Variants in XPO7 observed in about 807,000 individuals in gnomAD.
The protein encoded by XPO7 is exportin 7.
A neutral mutation model predicts 144.3 loss-of-function variants in XPO7; 21 were observed. The ratio of observed to expected loss-of-function variants is 0.15; its 90% CI spans 0.10 to 0.21. The LOEUF is 0.21. Among genes scored for constraint, XPO7 ranks in the 10% least tolerant of loss-of-function variants. The pLI is 1.00. For missense variants in XPO7, 808 were observed against 1,325.8 expected (o/e 0.61, Z 6.06); for synonymous variants, 580 against 499.6 (o/e 1.16, Z -2.15).
chr8:22,004,765 G>T (rs961914389), intron 27 of XPO7, among the ~76,000 whole-genome samples: 1 of 151,924 alleles, frequency 6.6e-6, no homozygotes, highest in Admixed American at 6.6e-5. Flanking sequence ...CTGTCAGTGA[G>T]ATTTCTTTTG....
intron 1 of XPO7, among the ~76,000 whole-genome samples, chr8:21,928,528 G>A (rs935012086): frequency 2.0e-5 from 3 of 152,152 alleles, no homozygotes; most frequent in Non-Finnish European, 2.9e-5. Context: ...ACTGTACCTC[G>A]AGTTATTTCA....
At chr8:21,936,749 A>T (rs1178904264) in intron 1 of XPO7, among the ~76,000 whole-genome samples, 1 of 152,190 alleles carries the variant, frequency 6.6e-6, no homozygotes, top group African/African-American at 2.4e-5. Context: ...CCCAAACTGG[A>T]ATTTTTTTAT....
intron 1 of XPO7, among the ~76,000 whole-genome samples, chr8:21,927,834 C>T (rs1047838561): frequency 7.2e-5 from 11 of 152,152 alleles, no homozygotes; most frequent in Admixed American, 2.0e-4. Context: ...CGTGAGCCAC[C>T]GCACCTGGCT....
At chr8:21,969,761 C>G (rs1811993034) in intron 3 of XPO7, 185 bp downstream of exon 3, 3 of 612,980 alleles carry the variant, frequency 4.9e-6, no homozygotes, top group Non-Finnish European at 8.4e-6. Context: ...GCAATAACTT[C>G]TGGATAAAGC....
intron 1 of XPO7, among the ~76,000 whole-genome samples, chr8:21,941,553 GA>G (rs1371346024): frequency 6.6e-6 from 1 of 152,076 alleles, no homozygotes; most frequent in African/African-American, 2.4e-5. Context: ...ATAATGACAA[GA>G]AAAACAGTGT....
intron 1 of XPO7, among the ~76,000 whole-genome samples, chr8:21,964,574 T>C (rs533738947): frequency 1.3e-5 from 2 of 151,892 alleles, no homozygotes; most frequent in East Asian, 1.9e-4. Context: ...ACTAATTGTT[T>C]AGGAAAACAA....
chr8:21,959,749 A>C (rs1811660399), intron 1 of XPO7, among the ~76,000 whole-genome samples: 1 of 152,230 alleles, frequency 6.6e-6, no homozygotes, highest in African/African-American at 2.4e-5. Flanking sequence ...TGGATAGTTT[A>C]TTGCAGTCAA....
intron 2 of XPO7, among the ~76,000 whole-genome samples, chr8:21,969,256 A>T (rs796249539): frequency 2.6e-5 from 4 of 152,154 alleles, no homozygotes; most frequent in Non-Finnish European, 5.9e-5. Context: ...CAGCTTGATC[A>T]GACGGTTCAC....
rs527641347 is a variant in XPO7 at position 21,939,464 on chromosome 8, G to A, written c.18+19676G>A. Among the ~76,000 whole-genome samples the A allele has an allele frequency of 2.3e-4, 35 of 152,050 alleles. No homozygotes were observed. In the South Asian group the frequency reaches 3.9e-3, roughly 17 times the overall value. On this transcript the variant is annotated intron_variant, in intron 1 of 27. Transcript: ENST00000252512. ...TCAAACTCCCAACCTCAGGTGATCCGTCTGCCTCAGCCTCCCAAAGTGCTG... is the reference window on the plus strand; with the variant it reads ...TCAAACTCCCAACCTCAGGTGATCCATCTGCCTCAGCCTCCCAAAGTGCTG...
At position 22,004,024 on chromosome 8, in the gene XPO7, G is replaced by A. The variant is rs759413343; in HGVS notation, c.3164G>A (p.Arg1055Lys). 6.2e-7 allele frequency: 1 copy of A among 1,613,872 alleles called. No individual in the cohort carries two copies. Among genetic ancestry groups the A allele is most frequent in the East Asian group, 2.2e-5 (1 of 44,876 alleles). The part of the protein sequence containing the change: ...GIERNLLTKN[R>K]DRFTQNLSAF... Reference sequence around the variant, plus strand: ...GAGCGAAATCTTCTTACGAAAAACAGAGACAGGTGAGTATAAAGCGTCCTG... The same window carrying A: ...GAGCGAAATCTTCTTACGAAAAACAAAGACAGGTGAGTATAAAGCGTCCTG... Residue 1055 changes from arginine (R) to lysine (K), a missense_variant, in exon 27 of 28, where the codon AGA (arginine) becomes AAA (lysine). Around this residue, in one of 5 missense-constraint regions of XPO7, gnomAD observed 140 missense variants for 237.9 expected, o/e 0.59. Transcript: ENST00000252512.
rs372866386 is a variant in XPO7, at chr8:22,002,190, C to G, written c.2861C>G (p.Thr954Ser). The G allele has an allele frequency of 2.5e-6, 4 of 1,613,262 alleles. No homozygotes were observed. The highest frequency in any genetic ancestry group is 3.4e-6 in the Non-Finnish European group (4 of 1,179,592). Residue 954 changes from threonine to serine, a missense_variant, in exon 25 of 28, where the codon ACC becomes AGC. By Grantham distance (58) the Thr-to-Ser change is moderately conservative (BLOSUM62 1). Around this residue, in one of 5 missense-constraint regions of XPO7, gnomAD observed 140 missense variants for 237.9 expected, o/e 0.59. Transcript: ENST00000252512. ...TYLFKQLSRS[T>S]KKRTTPLNQE... ...CTCTTCAAGCAGCTGTCACGTAGCA[C>G]CAAGAAGAGGACCACACCCCTGAAC...
chr8:21,994,248 A>G, intron 19 of XPO7, 115 bp from the exon 20 acceptor site: 4 of 661,888 alleles, frequency 6.0e-6, no homozygotes, highest in Middle Eastern at 6.5e-4. Context: ...TTTGAGAAGG[A>G]GTATATGTTG....
At chr8:21,945,999 G>T (rs1434235791) in intron 1 of XPO7, among the ~76,000 whole-genome samples, 1 of 152,206 alleles carries the variant, frequency 6.6e-6, no homozygotes, top group Non-Finnish European at 1.5e-5. Context: ...ATCCTAGAAA[G>T]CACCTTGGAG....
intron 1 of XPO7, among the ~76,000 whole-genome samples, chr8:21,960,113 T>G (rs1291565677): frequency 6.6e-6 from 1 of 152,222 alleles, no homozygotes; most frequent in Non-Finnish European, 1.5e-5. Flanking sequence ...CGTGGGGAAC[T>G]GGAGAGAGCC....
chr8:21,948,136 C>G (rs1230086274), intron 1 of XPO7, among the ~76,000 whole-genome samples: 1 of 152,150 alleles, frequency 6.6e-6, no homozygotes, highest in Non-Finnish European at 1.5e-5. Flanking sequence ...AAGTGAAACC[C>G]AACCCTTAAT....
At chr8:21,958,716 T>C (rs534060670) in intron 1 of XPO7, among the ~76,000 whole-genome samples, 1 of 151,880 alleles carries the variant, frequency 6.6e-6, no homozygotes, top group Admixed American at 6.6e-5. Flanking sequence ...CCCAAGTGCT[T>C]TGGGAGGCTG....
At chr8:21,963,266 G>A (rs931399514) in intron 1 of XPO7, among the ~76,000 whole-genome samples, 12 of 152,088 alleles carry the variant, frequency 7.9e-5, no homozygotes, top group Non-Finnish European at 1.6e-4. Flanking sequence ...GGATCTGACT[G>A]GTCACCCAAG....
chr8:21,990,866 G>A lies in XPO7; in HGVS notation c.1988G>A (p.Arg663Gln), dbSNP rs555144983. The A allele has an allele frequency of 3.7e-6, 6 of 1,613,852 alleles. No homozygotes were observed. The highest frequency in any genetic ancestry group is 5.1e-6 in the Non-Finnish European group (6 of 1,179,850). The stretch of plus-strand genomic sequence containing the variant: ...AATCAGTCCAACCTGACAGACATGC[G>A]GTGTCGGACTACCTTCTACACAGCA... ...INNQSNLTDM[R>Q]CRTTFYTALG... The change falls in exon 18 of 28, where the codon CGG becomes CAG. Residue 663 changes from arginine to glutamine, a missense_variant. By Grantham distance (43) the Arg-to-Gln change is conservative. This residue lies in a region of XPO7 where 416 missense variants were observed against 612.5 expected (regional missense o/e 0.68). Coordinates refer to ENST00000252512, the MANE Select transcript of XPO7 (RefSeq NM_015024.5).
Position 21,966,869 on chromosome 8 carries a change from C to T in XPO7, c.31C>T (p.Leu11=). Residue 11 remains leucine, a synonymous_variant, in exon 2 of 28, where the codon CTA becomes TTA. Transcript: ENST00000252512. ...TGATCTTTTCCAGAGCCTGGCCCAA[C>T]TAGAGAATCTGTGCAAACAGCTGTA... MADHVQSLAQ[L]ENLCKQLYET... 6.2e-7 allele frequency: 1 copy of T among 1,612,914 alleles called. No individual in the cohort carries two copies. Among genetic ancestry groups the T allele is most frequent in the Non-Finnish European group, 8.5e-7 (1 of 1,179,262 alleles).
Sources: allele counts gnomAD v4.1 joint callset (sites outside exome capture counted in the v4.1 genomes callset), GRCh38; gene constraint gnomAD v4.1.1; regional missense constraint gnomAD v4.1.1; transcripts MANE v1.5; gene names NCBI Gene and HGNC (gene_info 2026-07-23, HGNC 2026-07-21).